The following FHAD1 variants were observed in gnomAD, a reference collection of about 807,000 sequenced individuals.
FHAD1 encodes the protein forkhead-associated domain-containing protein 1.
A neutral mutation model predicts 191.3 loss-of-function variants in FHAD1; 146 were observed. That is an observed-to-expected ratio of 0.76 (90% CI 0.67 to 0.88). FHAD1 has a LOEUF of 0.88. Among genes scored for constraint, FHAD1 ranks in the 40% least tolerant of loss-of-function variants. The pLI, the probability that FHAD1 is intolerant of heterozygous loss-of-function variation, is 0.00. For synonymous variants in FHAD1, 616 were observed against 672.3 expected, an observed-to-expected ratio of 0.92 and a Z score of 1.29; for missense variants, 1,635 against 1,785.8, an observed-to-expected ratio of 0.92 and a Z score of 1.52.
rs564001847 is a variant in FHAD1 at position 15,356,771 on chromosome 1, C to G, written c.2563-1339C>G. ...CCTGTAATCCCGGCTACTCAGGAGG[C>G]TGAGGCAGGAGAATCACTTGAACCT... On this transcript the variant is annotated intron_variant, in intron 20 of 33. Transcript: ENST00000688493. 2.0e-5 allele frequency among the ~76,000 whole-genome samples: 3 copies of G among 151,742 alleles called. No homozygotes were observed. In the East Asian group the frequency reaches 5.8e-4, roughly 29 times the overall value.
chr1:15,382,413 C>T lies in FHAD1; in HGVS notation c.4188+220C>T, dbSNP rs1207528865. Among the ~76,000 whole-genome samples, 3 of 152,168 alleles carry T rather than the reference C, an allele frequency of 2.0e-5. No individual in the cohort carries two copies. In the East Asian group the frequency reaches 5.8e-4, roughly 29 times the overall value. The stretch of plus-strand genomic sequence containing the variant: ...GATAGGTTTCTTAACCTCTCTGAGA[C>T]TCATGGTGCTCATCTGTATTTTTTT... On this transcript the variant is annotated intron_variant, in intron 31 of 33. Transcript: ENST00000688493.
At chr1:15,392,471 G>A (rs1002889843) in intron 33 of FHAD1, among the ~76,000 whole-genome samples, 1 of 152,108 alleles carries the variant, frequency 6.6e-6, no homozygotes, top group Non-Finnish European at 1.5e-5. Flanking sequence ...GGCGGAGCTT[G>A]CAGTGAGCCG....
In FHAD1 at chr1:15,296,665, T is replaced by C; in HGVS notation, c.569-19T>C. On this transcript the variant is annotated intron_variant, in intron 4 of 33. Coordinates refer to ENST00000688493, the MANE Select transcript of FHAD1 (RefSeq NM_001391957.1). Reference sequence around the variant, plus strand: ...AACTCATGATGTCTTTTGTGCTCTCTGCTGATCTCACGCCTTAGTGTGGAC... The same window carrying C: ...AACTCATGATGTCTTTTGTGCTCTCCGCTGATCTCACGCCTTAGTGTGGAC... The C allele has an allele frequency of 6.5e-7, 1 of 1,548,064 alleles. No homozygotes were observed. The highest frequency in any genetic ancestry group is 1.2e-5 in the South Asian group (1 of 83,976).
intron 2 of FHAD1, among the ~76,000 whole-genome samples, chr1:15,262,148 G>A (rs1264883988): frequency 6.6e-6 from 1 of 152,144 alleles, no homozygotes; most frequent in Non-Finnish European, 1.5e-5. Flanking sequence ...AGCATAGGAA[G>A]CAGCCTCAGA....
intron 5 of FHAD1, 70 bp from the exon 6 acceptor site, chr1:15,301,134 CT>C (rs976309130): frequency 8.4e-5 from 117 of 1,393,832 alleles, no homozygotes; most frequent in African/African-American, 6.1e-4. Flanking sequence ...CCGGCCCCTA[CT>C]TTTTTTTAAT....
At chr1:15,253,356 G>C (rs1647027472) in intron 2 of FHAD1, among the ~76,000 whole-genome samples, 1 of 152,072 alleles carries the variant, frequency 6.6e-6, no homozygotes, top group Non-Finnish European at 1.5e-5. Flanking sequence ...GAAATGTCTT[G>C]CTGAGATTTT....
At chr1:15,373,141 T>G (rs1698594290) in intron 26 of FHAD1, among the ~76,000 whole-genome samples, 1 of 152,198 alleles carries the variant, frequency 6.6e-6, no homozygotes, top group East Asian at 1.9e-4. Context: ...TGCAAATATT[T>G]GTGTCGATGT....
intron 2 of FHAD1, among the ~76,000 whole-genome samples, chr1:15,271,140 G>GA (rs543401814): frequency 0.017 from 1,288 of 76,642 alleles, 27 homozygotes; most frequent in South Asian, 0.082. Context: ...CTCCATCTCG[G>GA]AAAAAAAAAA....
At chr1:15,402,053 C>T (rs1395439540), downstream of FHAD1, among the ~76,000 whole-genome samples, 1 of 152,202 alleles carries the variant, frequency 6.6e-6, no homozygotes, top group Admixed American at 6.5e-5. Context: ...GTTTTCCTTT[C>T]TAAGACCCAA....
intron 32 of FHAD1, among the ~76,000 whole-genome samples, chr1:15,388,841 G>A (rs1703032633): frequency 6.6e-6 from 1 of 152,222 alleles, no homozygotes; most frequent in African/African-American, 2.4e-5. Context: ...GTAAAGAGCA[G>A]CATCTTTAAG....
rs1473703777 is a variant in FHAD1 at position 15,272,588 on chromosome 1, C to T, written c.300+59C>T. 12 of 1,454,130 alleles carry T rather than the reference C, an allele frequency of 8.3e-6. No homozygotes were observed. In the East Asian group the frequency reaches 1.5e-4, roughly 18 times the overall value. 90.1% of individuals were successfully genotyped at this position (1,454,130 alleles called of 1,614,324 possible). Reference sequence around the variant, plus strand: ...TGTCGCCTTCGTGCAGCCCGGCGCTCGGATGCAGCTGCAGGGTGGCGCTTA... The same window carrying T: ...TGTCGCCTTCGTGCAGCCCGGCGCTTGGATGCAGCTGCAGGGTGGCGCTTA... On this transcript the variant is annotated intron_variant, in intron 3 of 33. Coordinates refer to ENST00000688493, the MANE Select transcript of FHAD1 (RefSeq NM_001391957.1).
At chr1:15,302,697 G>A (rs1467113205) in intron 6 of FHAD1, among the ~76,000 whole-genome samples, 2 of 151,598 alleles carry the variant, frequency 1.3e-5, no homozygotes, top group Non-Finnish European at 2.9e-5. Flanking sequence ...CAGCCTGGGC[G>A]ACAGAGCGAG....
At chr1:15,284,976 T>G (rs928620672) in intron 3 of FHAD1, among the ~76,000 whole-genome samples, 1 of 152,218 alleles carries the variant, frequency 6.6e-6, no homozygotes, top group Admixed American at 6.5e-5. Context: ...AAGTATTTTT[T>G]AACTAATATT....
intron 26 of FHAD1, among the ~76,000 whole-genome samples, chr1:15,372,379 C>T: frequency 6.6e-6 from 1 of 152,192 alleles, no homozygotes; most frequent in Non-Finnish European, 1.5e-5. Context: ...AGCATTTGAA[C>T]CATCAAAGGA....
intron 6 of FHAD1, among the ~76,000 whole-genome samples, chr1:15,307,016 G>A (rs543500293): frequency 2.8e-4 from 42 of 152,296 alleles, no homozygotes; most frequent in South Asian, 1.2e-3. Context: ...GACACTCAAC[G>A]CCAGCCCATG....
intron 5 of FHAD1, among the ~76,000 whole-genome samples, chr1:15,299,199 C>CAAAAAAAAAAAAAAAAA (rs35299485): frequency 2.2e-5 from 1 of 46,394 alleles, no homozygotes; most frequent in African/African-American, 8.2e-5. Context: ...GACCCTGTCT[C>CAAAAAAAAAAAAAAAAA]AAAAAAAAAA....
At chr1:15,243,407 T>C (rs181868833), upstream of FHAD1, among the ~76,000 whole-genome samples, 1 of 152,328 alleles carries the variant, frequency 6.6e-6, no homozygotes, top group East Asian at 1.9e-4. Context: ...CTCTTTACTC[T>C]CTTGTTCTTG....
At position 15,284,372 on chromosome 1, in the gene FHAD1, G is replaced by A. The variant is rs550389872; in HGVS notation, c.301-5027G>A. Among the ~76,000 whole-genome samples, 83 of 151,618 alleles carry A rather than the reference G, an allele frequency of 5.5e-4. No individual in the cohort carries two copies. The Middle Eastern group carries it at 0.01, about 19-fold the overall frequency. On this transcript the variant is annotated intron_variant, in intron 3 of 33. Coordinates refer to ENST00000688493, the MANE Select transcript of FHAD1 (RefSeq NM_001391957.1). Reference sequence around the variant, plus strand: ...TGGGCGCCTGTAGTCCCAGCTACTCGGGAAGCTGAGGCAGGAGAATGGCAT... The same window carrying A: ...TGGGCGCCTGTAGTCCCAGCTACTCAGGAAGCTGAGGCAGGAGAATGGCAT...
At chr1:15,255,459 G>C (rs896808866) in intron 2 of FHAD1, among the ~76,000 whole-genome samples, 2 of 151,382 alleles carry the variant, frequency 1.3e-5, no homozygotes, top group African/African-American at 4.9e-5. Flanking sequence ...TTTTTTTTCT[G>C]TATCATGAAA....
Sources: gnomAD v4.1 joint callset for allele counts (sites outside exome capture counted in the v4.1 genomes callset) on GRCh38, gnomAD v4.1.1 for gene constraint, MANE v1.5 for transcripts, NCBI Gene and HGNC (gene_info 2026-07-23, HGNC 2026-07-21) for gene names.